The following OR6N1 variants were observed in gnomAD, a reference collection of about 807,000 sequenced individuals.
OR6N1 encodes the protein olfactory receptor family 6 subfamily N member 1.
For synonymous variants in OR6N1, 170 were observed against 150.7 expected, an observed-to-expected ratio of 1.13 and a Z score of -0.94; for missense variants, 394 against 371.7, an observed-to-expected ratio of 1.06 and a Z score of -0.49.
chr1:158,811,945 T>A, the OR6N1 span, among the ~76,000 whole-genome samples: 1 of 152,320 alleles, frequency 6.6e-6, no homozygotes, highest in Admixed American at 6.5e-5. Flanking sequence ...ACTATCCAGG[T>A]GCTTGGGTAA....
At chr1:158,792,913 TA>T in the OR6N1 span, among the ~76,000 whole-genome samples, 1 of 152,214 alleles carries the variant, frequency 6.6e-6, no homozygotes, top group Non-Finnish European at 1.5e-5. Context: ...GAAACACCTA[TA>T]ATTATTAGGT....
chr1:158,832,957 A>G, the OR6N1 span, among the ~76,000 whole-genome samples: 2 of 152,108 alleles, frequency 1.3e-5, no homozygotes, highest in East Asian at 1.9e-4. Flanking sequence ...TATAGCACTT[A>G]TTCTGTGCTT....
At chr1:158,768,527 T>C (rs756251242) in intron 1 of OR6N1, among the ~76,000 whole-genome samples, 3 of 152,198 alleles carry the variant, frequency 2.0e-5, no homozygotes, top group Non-Finnish European at 4.4e-5. Flanking sequence ...CTTACTGTAA[T>C]TGACTCCTAA....
At chr1:158,795,109 G>A in the OR6N1 span, among the ~76,000 whole-genome samples, 1 of 152,210 alleles carries the variant, frequency 6.6e-6, no homozygotes, top group South Asian at 2.1e-4. Flanking sequence ...TTCCCTGGCT[G>A]CTGGGGTAAT....
At chr1:158,782,026 T>G in the OR6N1 span, among the ~76,000 whole-genome samples, 1 of 152,204 alleles carries the variant, frequency 6.6e-6, no homozygotes, top group Admixed American at 6.5e-5. Flanking sequence ...TCATCACCTC[T>G]AAGCTCCACT....
chr1:158,816,820 A>G, the OR6N1 span, among the ~76,000 whole-genome samples: 1 of 152,244 alleles, frequency 6.6e-6, no homozygotes, highest in Non-Finnish European at 1.5e-5. Flanking sequence ...CCTAGTTCAG[A>G]TCCTACTTTC....
At chr1:158,778,145 T>C in the OR6N1 span, among the ~76,000 whole-genome samples, 2 of 152,238 alleles carry the variant, frequency 1.3e-5, no homozygotes, top group Non-Finnish European at 2.9e-5. Flanking sequence ...TATTTTCCTA[T>C]TGTTCAATTC....
At chr1:158,828,300 T>A in the OR6N1 span, among the ~76,000 whole-genome samples, 3 of 152,298 alleles carry the variant, frequency 2.0e-5, no homozygotes, top group East Asian at 5.8e-4. Flanking sequence ...ACAAGGCAAG[T>A]CCCTTCCACC....
chr1:158,838,933 T>C, the OR6N1 span, among the ~76,000 whole-genome samples: 1 of 152,186 alleles, frequency 6.6e-6, no homozygotes, highest in Non-Finnish European at 1.5e-5. Context: ...TTTTTTCTGG[T>C]AATTTCTATT....
At chr1:158,799,872 A>G in the OR6N1 span, among the ~76,000 whole-genome samples, 1 of 152,064 alleles carries the variant, frequency 6.6e-6, no homozygotes, top group Admixed American at 6.6e-5. Context: ...GAGTTACTCT[A>G]TGGGAAGATA....
the OR6N1 span, among the ~76,000 whole-genome samples, chr1:158,793,858 A>G: frequency 8.5e-4 from 129 of 152,202 alleles, 2 homozygotes; most frequent in Admixed American, 1.4e-3. Flanking sequence ...TGATAGAGGT[A>G]GCTGCAGAAT....
upstream of OR6N1, chr1:158,774,589 A>G (rs953550480): frequency 6.6e-6 from 1 of 152,232 alleles, no homozygotes; most frequent in Admixed American, 6.5e-5. Flanking sequence ...CGTGTGACCT[A>G]GCAATCCTAT....
chr1:158,784,932 T>C, the OR6N1 span, among the ~76,000 whole-genome samples: 1 of 152,200 alleles, frequency 6.6e-6, no homozygotes, highest in East Asian at 1.9e-4. Context: ...ATATCTGCAC[T>C]CTCATGTTTA....
chr1:158,840,252 G>A, the OR6N1 span, among the ~76,000 whole-genome samples: 1,173 of 152,084 alleles, frequency 7.7e-3, 16 homozygotes, highest in African/African-American at 0.027. Context: ...TCCTTCTCAC[G>A]CTGCTATGAA....
the OR6N1 span, among the ~76,000 whole-genome samples, chr1:158,815,453 G>T: frequency 6.6e-6 from 1 of 152,008 alleles, no homozygotes. Flanking sequence ...AGACAGAAAG[G>T]GTAAGAAGAA....
chr1:158,827,554 A>AT, the OR6N1 span, among the ~76,000 whole-genome samples: 2 of 152,078 alleles, frequency 1.3e-5, no homozygotes, highest in African/African-American at 4.8e-5. Flanking sequence ...GCTATCATCT[A>AT]TTTTTTGCAA....
the OR6N1 span, among the ~76,000 whole-genome samples, chr1:158,778,753 G>A: frequency 6.6e-6 from 1 of 152,048 alleles, no homozygotes; most frequent in African/African-American, 2.4e-5. Context: ...GGTGACTCAC[G>A]CCTGTAATCC....
At chr1:158,785,746 A>G in the OR6N1 span, among the ~76,000 whole-genome samples, 1 of 152,186 alleles carries the variant, frequency 6.6e-6, no homozygotes, top group Non-Finnish European at 1.5e-5. Flanking sequence ...ATAATATGTA[A>G]CCACTTATTA....
At chr1:158,839,022 TA>T in the OR6N1 span, among the ~76,000 whole-genome samples, 4 of 152,332 alleles carry the variant, frequency 2.6e-5, no homozygotes, top group African/African-American at 9.6e-5. Context: ...TTAACTCATT[TA>T]TCATATTTAA....
Sources: allele counts gnomAD v4.1 joint callset (sites outside exome capture counted in the v4.1 genomes callset), GRCh38; gene constraint gnomAD v4.1.1; transcripts MANE v1.5; gene names NCBI Gene and HGNC (gene_info 2026-07-23, HGNC 2026-07-21).